PPFIA2: variants seen among roughly 807,000 people sequenced by gnomAD.
PPFIA2 encodes the protein liprin-alpha-2.
Under a neutral mutation model 175.5 loss-of-function variants are expected in PPFIA2, and 46 were observed. The ratio of observed to expected loss-of-function variants is 0.26; its 90% CI spans 0.21 to 0.34. The LOEUF is 0.34. Ranked by LOEUF, PPFIA2 falls within the 10% of genes least tolerant of loss-of-function variation. The pLI is 1.00. For missense variants in PPFIA2, 1,179 were observed against 1,506.1 expected, an observed-to-expected ratio of 0.78 and a Z score of 3.60; for synonymous variants, 568 against 511.4, an observed-to-expected ratio of 1.11 and a Z score of -1.49.
chr12:81,433,903 T>C (rs1230374673), intron 7 of PPFIA2, among the ~76,000 whole-genome samples: 2 of 152,162 alleles, frequency 1.3e-5, no homozygotes, highest in Non-Finnish European at 1.5e-5. Flanking sequence ...TAATGAGCTT[T>C]AGCCATTAAT....
rs150863894 is a variant in PPFIA2 at position 81,363,294 on chromosome 12, A to T, written c.1546-510T>A. Among the ~76,000 whole-genome samples, 1,208 of 151,192 alleles carry T rather than the reference A, an allele frequency of 8.0e-3. 16 individuals are homozygous for T. Among genetic ancestry groups the T allele is most frequent in the African/African-American group, 0.02 (827 of 41,366 alleles). On this transcript the variant is annotated intron_variant, in intron 14 of 32. Transcript: ENST00000549396. ...TTTAAAAAATATTAATTAATTAATT[A>T]ATTTATTTATTTATTTAAAGACAGG...
At chr12:81,700,082 T>C (rs1163737218) in intron 3 of PPFIA2, among the ~76,000 whole-genome samples, 1 of 152,024 alleles carries the variant, frequency 6.6e-6, no homozygotes, top group Non-Finnish European at 1.5e-5. Flanking sequence ...TACTGCTTCA[T>C]GGATGCCTCT....
At position 81,733,544 on chromosome 12, in the gene PPFIA2, G is replaced by T. The variant is rs376284301; in HGVS notation, c.249+20429C>A. On this transcript the variant is annotated intron_variant, in intron 3 of 32. Transcript: ENST00000549396. ...TAAATCTTGTCTCTGACACTTACCA[G>T]TAATGTGAGAATAGGAAACATACTT... Among the ~76,000 whole-genome samples the T allele has an allele frequency of 1.7e-3, 263 of 151,680 alleles. 1 individual carries two copies. Among genetic ancestry groups the T allele is most frequent in the African/African-American group, 6.2e-3 (256 of 41,448 alleles).
chr12:81,687,232 G>A (rs539878438), intron 3 of PPFIA2, among the ~76,000 whole-genome samples: 1 of 152,162 alleles, frequency 6.6e-6, no homozygotes, highest in East Asian at 1.9e-4. Flanking sequence ...CTCTGTACAT[G>A]TGGTTTTCCA....
chr12:81,422,990 T>G (rs369740877), intron 7 of PPFIA2, among the ~76,000 whole-genome samples: 2 of 152,074 alleles, frequency 1.3e-5, no homozygotes, highest in Admixed American at 6.6e-5. Flanking sequence ...GAGACTACTA[T>G]GAACAATTAT....
intron 4 of PPFIA2, among the ~76,000 whole-genome samples, chr12:81,511,385 T>C (rs1432502678): frequency 1.3e-5 from 2 of 151,990 alleles, no homozygotes; most frequent in African/African-American, 4.8e-5. Flanking sequence ...TATAAGAAAA[T>C]AATTAGAAAT....
chr12:81,707,930 C>A (rs1392962792), intron 3 of PPFIA2, among the ~76,000 whole-genome samples: 1 of 148,946 alleles, frequency 6.7e-6, no homozygotes, highest in African/African-American at 2.5e-5. Flanking sequence ...GAACAAAAAA[C>A]CAAACATCAC....
rs556904056 is a variant in PPFIA2 at position 81,436,400 on chromosome 12, T to C, written c.645+3572A>G. On this transcript the variant is annotated intron_variant, in intron 7 of 32. Transcript: ENST00000549396. ...ATTTAGTCATACGCAGGACTTTTGC[T>C]CTGGTTCCTGATTATTCGGCTCTTA... is the stretch of plus-strand genomic sequence containing the variant. Among the ~76,000 whole-genome samples the C allele has an allele frequency of 1.4e-4, 21 of 147,664 alleles. No individual in the cohort carries two copies. The South Asian group carries it at 4.6e-3, about 32-fold the overall frequency.
chr12:81,697,944 G>A (rs1410125173), intron 3 of PPFIA2, among the ~76,000 whole-genome samples: 2 of 152,120 alleles, frequency 1.3e-5, no homozygotes, highest in African/African-American at 2.4e-5. Context: ...CCTGAATGCA[G>A]TAATACTATA....
At position 81,579,156 on chromosome 12, in the gene PPFIA2, G is replaced by A. The variant is rs143053346; in HGVS notation, c.303+97635C>T. Reference sequence around the variant, plus strand: ...ATTTTTTGTATCAATTTGTAATTTCGAACTTTTATAAAAGCAAAAGTGACA... The same window carrying A: ...ATTTTTTGTATCAATTTGTAATTTCAAACTTTTATAAAAGCAAAAGTGACA... On this transcript the variant is annotated intron_variant, in intron 4 of 32. Coordinates refer to ENST00000549396, the MANE Select transcript of PPFIA2 (RefSeq NM_003625.5). 6.4e-3 allele frequency among the ~76,000 whole-genome samples: 968 copies of A among 151,450 alleles called. 10 individuals are homozygous for A. The highest frequency in any genetic ancestry group is 0.022 in the African/African-American group (898 of 41,344).
At chr12:81,596,292 T>C (rs1397566737) in intron 4 of PPFIA2, among the ~76,000 whole-genome samples, 2 of 151,924 alleles carry the variant, frequency 1.3e-5, no homozygotes, top group Non-Finnish European at 2.9e-5. Flanking sequence ...CTTTCTCTCT[T>C]TCTTCCACCA....
intron 30 of PPFIA2, among the ~76,000 whole-genome samples, chr12:81,265,834 T>G (rs2136226986): frequency 6.6e-6 from 1 of 152,310 alleles, no homozygotes; most frequent in East Asian, 1.9e-4. Flanking sequence ...TTAGAAATTT[T>G]TGCAACTTAT....
intron 4 of PPFIA2, among the ~76,000 whole-genome samples, chr12:81,559,960 A>G (rs1259855781): frequency 6.6e-6 from 1 of 152,118 alleles, no homozygotes; most frequent in East Asian, 1.9e-4. Context: ...GGGCTGACAC[A>G]TGTGGCCTCC....
At chr12:81,398,927 A>G (rs1269425918) in intron 8 of PPFIA2, among the ~76,000 whole-genome samples, 2 of 151,992 alleles carry the variant, frequency 1.3e-5, no homozygotes, top group African/African-American at 4.8e-5. Context: ...AATATTTCCT[A>G]ATCTGCTTCT....
chr12:81,754,806 AT>A (rs1237180187), intron 2 of PPFIA2, among the ~76,000 whole-genome samples: 2 of 151,976 alleles, frequency 1.3e-5, no homozygotes, highest in East Asian at 3.9e-4. Context: ...TAGTCAACCG[AT>A]TTTTTTCAAA....
intron 3 of PPFIA2, among the ~76,000 whole-genome samples, chr12:81,738,283 G>T (rs1371724272): frequency 6.6e-6 from 1 of 151,806 alleles, no homozygotes; most frequent in Non-Finnish European, 1.5e-5. Context: ...AGGAATAAAG[G>T]TGAAGTAAAG....
chr12:81,457,518 C>T lies in PPFIA2; in HGVS notation c.405+247G>A, dbSNP rs190431131. On this transcript the variant is annotated intron_variant, in intron 5 of 32. Transcript: ENST00000549396. Reference sequence around the variant, plus strand: ...TTTTAAAGCCAAATAAAGTAAAGGCCAGAAGGAATGTGAACATTTTGTAAA... The same window carrying T: ...TTTTAAAGCCAAATAAAGTAAAGGCTAGAAGGAATGTGAACATTTTGTAAA... Among the ~76,000 whole-genome samples, 319 of 152,090 alleles carry T rather than the reference C, an allele frequency of 2.1e-3. 1 individual carries two copies. The highest frequency in any genetic ancestry group is 7.2e-3 in the African/African-American group (297 of 41,482).
chr12:81,708,393 T>C lies in PPFIA2; in HGVS notation c.250-31549A>G, dbSNP rs190784966. ...ATGGAGACTCATCCACCAATTATTG[T>C]AAAATTTTAAAGAATGAAATTAGAA... On this transcript the variant is annotated intron_variant, in intron 3 of 32. Coordinates refer to ENST00000549396, the MANE Select transcript of PPFIA2 (RefSeq NM_003625.5). Among the ~76,000 whole-genome samples the C allele has an allele frequency of 4.0e-3, 603 of 152,260 alleles. 6 individuals carry two copies. Among genetic ancestry groups the C allele is most frequent in the African/African-American group, 0.013 (550 of 41,580 alleles).
At chr12:81,706,818 C>G (rs1403757014) in intron 3 of PPFIA2, among the ~76,000 whole-genome samples, 1 of 152,162 alleles carries the variant, frequency 6.6e-6, no homozygotes, top group African/African-American at 2.4e-5. Context: ...GGTACCAAAA[C>G]AGAGATACAG....
Sources: gnomAD v4.1 joint callset for allele counts (sites outside exome capture counted in the v4.1 genomes callset) on GRCh38, gnomAD v4.1.1 for gene constraint, MANE v1.5 for transcripts, NCBI Gene and HGNC (gene_info 2026-07-23, HGNC 2026-07-21) for gene names.